Variants in MTUS1 observed in about 807,000 individuals in gnomAD.
MTUS1 encodes the protein microtubule associated scaffold protein 1.
A neutral mutation model predicts 120.8 loss-of-function variants in MTUS1; 109 were observed. That is an observed-to-expected ratio of 0.90 (90% CI 0.77 to 1.06). MTUS1 has a LOEUF of 1.06. Ranked by LOEUF, MTUS1 falls within the 50% of genes least tolerant of loss-of-function variation. MTUS1 has a pLI of 0.00. For missense variants in MTUS1, 2,210 were observed against 1,486.3 expected (o/e 1.49, Z -8.01); for synonymous variants, 737 against 550.5 (o/e 1.34, Z -4.74).
rs149225094 is a variant in MTUS1 at position 17,715,920 on chromosome 8, G to A, written c.2450-19C>T. ...TTACCAGCTGTAATAAAACAGAAAA[G>A]TACATTTTATTGTATAGATAAACAC... On this transcript the variant is annotated intron_variant, in intron 4 of 14. Transcript: ENST00000693296. 1.9e-5 allele frequency: 30 copies of A among 1,603,436 alleles called. No homozygotes were observed. In the African/African-American group the frequency reaches 3.0e-4, roughly 16 times the overall value.
intron 1 of MTUS1, among the ~76,000 whole-genome samples, chr8:17,763,324 T>G (rs2049191652): frequency 6.6e-6 from 1 of 152,204 alleles, no homozygotes; most frequent in South Asian, 2.1e-4. Flanking sequence ...AGACTTTCTC[T>G]ACATTTGGAC....
At chr8:17,693,270 C>G in intron 6 of MTUS1, 1 of 152,296 alleles carries the variant, frequency 6.6e-6, no homozygotes, top group East Asian at 1.9e-4. Flanking sequence ...ATGTCAGTGA[C>G]GTCATCACTG....
intron 4 of MTUS1, among the ~76,000 whole-genome samples, chr8:17,720,359 C>A (rs144162005): frequency 0.029 from 4,347 of 148,148 alleles, 85 homozygotes; most frequent in Non-Finnish European, 0.048. Context: ...AAAAAAAAAA[C>A]AAAAAACAAA....
intron 5 of MTUS1, among the ~76,000 whole-genome samples, chr8:17,714,138 C>A (rs1048201419): frequency 6.6e-6 from 1 of 152,174 alleles, no homozygotes; most frequent in African/African-American, 2.4e-5. Context: ...GATGTCAACT[C>A]AGCAAGAGGT....
intron 6 of MTUS1, among the ~76,000 whole-genome samples, chr8:17,706,345 C>A (rs1340960945): frequency 1.3e-5 from 2 of 152,104 alleles, no homozygotes; most frequent in Non-Finnish European, 2.9e-5. Flanking sequence ...AGCCCAAGGT[C>A]AGGACACAAA....
chr8:17,749,678 AG>A (rs1409598112), intron 2 of MTUS1, among the ~76,000 whole-genome samples: 4 of 150,830 alleles, frequency 2.7e-5, no homozygotes, highest in Non-Finnish European at 5.9e-5. Flanking sequence ...AAAAAAAAAA[AG>A]AAAGAAAAAG....
At chr8:17,743,506 C>CT in intron 3 of MTUS1, 98 bp downstream of exon 3, 1 of 1,154,722 alleles carries the variant, frequency 8.7e-7, no homozygotes. Context: ...CCACAAAAGG[C>CT]TAACTGCTTT....
At chr8:17,720,687 C>A (rs992364542) in intron 4 of MTUS1, among the ~76,000 whole-genome samples, 1 of 152,166 alleles carries the variant, frequency 6.6e-6, no homozygotes, top group Non-Finnish European at 1.5e-5. Context: ...GCACAATAGT[C>A]CCCAAATCTT....
At chr8:17,762,801 C>G (rs1260058194) in intron 1 of MTUS1, among the ~76,000 whole-genome samples, 1 of 152,136 alleles carries the variant, frequency 6.6e-6, no homozygotes, top group Non-Finnish European at 1.5e-5. Flanking sequence ...GGTCAACTGA[C>G]TGATTCAGAA....
chr8:17,692,796 C>T (rs1338774570), intron 6 of MTUS1, among the ~76,000 whole-genome samples: 2 of 152,082 alleles, frequency 1.3e-5, no homozygotes, highest in Non-Finnish European at 2.9e-5. Flanking sequence ...ACAATAAACT[C>T]TGTGACATGA....
chr8:17,723,936 A>C, intron 3 of MTUS1, 103 bp from the exon 4 acceptor site: 1 of 882,486 alleles, frequency 1.1e-6, no homozygotes, highest in East Asian at 2.4e-5. Context: ...AACAAAGTCA[A>C]AACACAAAAT....
chr8:17,740,790 C>G (rs553229201), intron 3 of MTUS1, among the ~76,000 whole-genome samples: 266 of 152,322 alleles, frequency 1.7e-3, no homozygotes, highest in African/African-American at 6.3e-3. Flanking sequence ...TGCTTCCCAG[C>G]AAGGGCCCTC....
chr8:17,671,165 T>G (rs1263303939), intron 8 of MTUS1, among the ~76,000 whole-genome samples: 1 of 152,090 alleles, frequency 6.6e-6, no homozygotes, highest in Non-Finnish European at 1.5e-5. Flanking sequence ...AAGTTGTATA[T>G]ATTCATATAA....
chr8:17,696,453 C>T lies in MTUS1; in HGVS notation c.2624-11911G>A, dbSNP rs185887818. Among the ~76,000 whole-genome samples, 15 of 152,280 alleles carry T rather than the reference C, an allele frequency of 9.9e-5. No individual in the cohort carries two copies. The East Asian group carries it at 1.2e-3, about 12-fold the overall frequency. ...CATCAAACATTCCTGTGACACCTAACGCTATTCAGCCCAAAACAAATATAA... is the reference window on the plus strand; with the variant it reads ...CATCAAACATTCCTGTGACACCTAATGCTATTCAGCCCAAAACAAATATAA... On this transcript the variant is annotated intron_variant, in intron 6 of 14. Transcript: ENST00000693296.
chr8:17,646,191 T>C lies in MTUS1; in HGVS notation c.3600-52A>G, dbSNP rs78671566. 9.6e-4 allele frequency: 1,332 copies of C among 1,387,620 alleles called. 10 individuals carry two copies. In the African/African-American group the frequency reaches 0.018, roughly 18 times the overall value. 86.0% of individuals were successfully genotyped at this position (1,387,620 alleles called of 1,614,324 possible). On this transcript the variant is annotated intron_variant, in intron 14 of 14. Transcript: ENST00000693296. The stretch of plus-strand genomic sequence containing the variant: ...AGATCTATGTAAAAAAAAAAAAAAC[T>C]TGAAAAATTTTTCTTAGCGTTTGAA...
chr8:17,784,187 G>C (rs557579433), intron 1 of MTUS1, among the ~76,000 whole-genome samples: 1 of 151,974 alleles, frequency 6.6e-6, no homozygotes, highest in East Asian at 1.9e-4. Flanking sequence ...TGGCAGTGTG[G>C]TTTAACTGAA....
At chr8:17,795,998 G>A (rs1425935711) in intron 1 of MTUS1, among the ~76,000 whole-genome samples, 2 of 145,832 alleles carry the variant, frequency 1.4e-5, no homozygotes, top group African/African-American at 5.1e-5. Flanking sequence ...TGGCCAGGCT[G>A]GAGGGCAGTG....
At chr8:17,747,629 T>G (rs1297422529) in intron 2 of MTUS1, among the ~76,000 whole-genome samples, 1 of 152,152 alleles carries the variant, frequency 6.6e-6, no homozygotes, top group East Asian at 1.9e-4. Flanking sequence ...TTTTACCAAT[T>G]GAAAGTTGCC....
At chr8:17,697,502 G>A in intron 6 of MTUS1, 3 of 1,420,350 alleles carry the variant, frequency 2.1e-6, no homozygotes, top group Admixed American at 4.9e-5. Flanking sequence ...TGCCTACACA[G>A]CAAATGTCAT....
Sources: allele counts gnomAD v4.1 joint callset (sites outside exome capture counted in the v4.1 genomes callset), GRCh38; gene constraint gnomAD v4.1.1; transcripts MANE v1.5; gene names NCBI Gene and HGNC (gene_info 2026-07-23, HGNC 2026-07-21).